Variants in LRP2 observed in about 807,000 individuals in gnomAD.
The protein encoded by LRP2 is LDL receptor related protein 2, also known as low-density lipoprotein receptor-related protein 2.
LRP2 carries 172 observed loss-of-function variants against 531.0 expected under a neutral mutation model. The observed-to-expected ratio is 0.32, with a 90% CI of 0.29 to 0.37. The LOEUF is 0.37. Ranked by LOEUF, LRP2 falls within the 10% of genes least tolerant of loss-of-function variation. The pLI is 1.00. For missense variants in LRP2, 5,167 were observed against 5,868.3 expected (o/e 0.88, Z 3.90); for synonymous variants, 1,992 against 2,027.6 (o/e 0.98, Z 0.47).
intron 13 of LRP2, among the ~76,000 whole-genome samples, chr2:169,275,608 C>T (rs2105444414): frequency 6.6e-6 from 1 of 152,198 alleles, no homozygotes; most frequent in Non-Finnish European, 1.5e-5. Flanking sequence ...AAGAGTATAC[C>T]AAGACTTTGG....
intron 77 of LRP2, among the ~76,000 whole-genome samples, chr2:169,130,956 A>G (rs185582641): frequency 6.6e-6 from 1 of 152,292 alleles, no homozygotes; most frequent in East Asian, 1.9e-4. Context: ...CAGCCTCCCC[A>G]CCACAGTCCC....
intron 3 of LRP2, among the ~76,000 whole-genome samples, chr2:169,312,390 T>G (rs1318290763): frequency 6.6e-6 from 1 of 152,154 alleles, no homozygotes; most frequent in Non-Finnish European, 1.5e-5. Context: ...TCTTGTAAGG[T>G]AGGCCTGGTG....
In LRP2 at chr2:169,177,749, T is replaced by C. The variant is rs1304430198; in HGVS notation, c.10393+54A>G. ...CGAAGTTCATGCTTAAAGACAATCATGACATGCACATAACCCAAGGCAACC... is the reference window on the plus strand; with the variant it reads ...CGAAGTTCATGCTTAAAGACAATCACGACATGCACATAACCCAAGGCAACC... On this transcript the variant is annotated intron_variant, in intron 53 of 78. Coordinates refer to ENST00000649046, the MANE Select transcript of LRP2 (RefSeq NM_004525.3). 29 of 1,405,032 alleles carry C rather than the reference T, an allele frequency of 2.1e-5. No individual in the cohort carries two copies. In the Admixed American group the frequency reaches 2.7e-4, roughly 13 times the overall value. 87.0% of individuals were successfully genotyped at this position (1,405,032 alleles called of 1,614,324 possible). A position where few individuals can be genotyped will look rare whatever the true frequency, so the allele number is the denominator to read the frequency against.
chr2:169,228,311 TAA>T (rs56358282), intron 31 of LRP2, among the ~76,000 whole-genome samples: 249 of 133,100 alleles, frequency 1.9e-3, no homozygotes, highest in Middle Eastern at 3.8e-3. Flanking sequence ...ACTGCAACAG[TAA>T]AAAAAAAAAA....
At chr2:169,264,241 T>C (rs998783982) in intron 16 of LRP2, among the ~76,000 whole-genome samples, 2 of 151,684 alleles carry the variant, frequency 1.3e-5, no homozygotes, top group Non-Finnish European at 2.9e-5. Flanking sequence ...ACTTAAAGTA[T>C]AATAATAAAT....
At chr2:169,223,605 C>T (rs1296713342) in intron 33 of LRP2, among the ~76,000 whole-genome samples, 3 of 151,942 alleles carry the variant, frequency 2.0e-5, no homozygotes, top group African/African-American at 7.3e-5. Flanking sequence ...TCTGGATTGC[C>T]GGAGTTGTAG....
At chr2:169,360,142 AAAAAAAGAGAG>A (rs1447534416) in intron 1 of LRP2, among the ~76,000 whole-genome samples, 24 of 132,622 alleles carry the variant, frequency 1.8e-4, no homozygotes, top group African/African-American at 3.3e-4. Context: ...AAAAAAAAAA[AAAAAAAGAGAG>A]AGAGAGAGAG....
At chr2:169,140,347 T>A in intron 72 of LRP2, 108 bp downstream of exon 72, 1 of 839,344 alleles carries the variant, frequency 1.2e-6, no homozygotes, top group Non-Finnish European at 2.0e-6. Flanking sequence ...AATGTAAGAA[T>A]TAGTGAACTG....
At chr2:169,314,037 T>C (rs1559070980) in intron 3 of LRP2, among the ~76,000 whole-genome samples, 1 of 152,204 alleles carries the variant, frequency 6.6e-6, no homozygotes, top group Non-Finnish European at 1.5e-5. Flanking sequence ...TCAGCAAAAC[T>C]TGGTTTTCTG....
At position 169,226,424 on chromosome 2, in the gene LRP2, G is replaced by T. The variant is rs751406669; in HGVS notation, c.5392C>A (p.Pro1798Thr). The T allele has an allele frequency of 6.2e-7, 1 of 1,612,088 alleles. No individual in the cohort carries two copies. The highest frequency in any genetic ancestry group is 8.5e-7 in the Non-Finnish European group (1 of 1,178,582). Reference sequence around the variant, plus strand: ...TTTGAATGTTATTCAAAACTTACTGGATTTTCAACCCAATAGATGTATTGC... The same window carrying T: ...TTTGAATGTTATTCAAAACTTACTGTATTTTCAACCCAATAGATGTATTGC... ...AEQYIYWVEN[P>T]GEIHRVKTDG... is the part of the protein sequence containing the mutation. The change falls in exon 32 of 79, where the codon CCA becomes ACA. Residue 1798 changes from proline (P) to threonine (T), a missense_variant and splice_region_variant. Pro to Thr is a conservative substitution (Grantham distance 38). Coordinates refer to ENST00000649046, the MANE Select transcript of LRP2 (RefSeq NM_004525.3).
chr2:169,361,377 C>CTCTCTCTCTCTCTCTCTCTCTCTCTCT (rs1559092856), intron 1 of LRP2, among the ~76,000 whole-genome samples: 4 of 52,286 alleles, frequency 7.7e-5, no homozygotes, highest in Non-Finnish European at 1.3e-4. Flanking sequence ...TCTCTCTCTC[C>CTCTCTCTCTCTCTCTCTCTCTCTCTCT]CTCTCTCTCT....
rs76438157 is a variant in LRP2 at position 169,353,371 on chromosome 2, G to A, written c.79+8950C>T. On this transcript the variant is annotated intron_variant, in intron 1 of 78. Transcript: ENST00000649046. ...GACCGCACACAAAGGTGAAACTTAG[G>A]GGGGAGTAGGGTCAAGGAAAACACA... Among the ~76,000 whole-genome samples the A allele has an allele frequency of 3.9e-5, 6 of 152,090 alleles. No individual in the cohort carries two copies. The South Asian group carries it at 6.2e-4, about 16-fold the overall frequency.
Position 169,156,352 on chromosome 2 carries a change from T to G in LRP2, c.12073A>C (p.Lys4025Gln), listed in dbSNP as rs760477351. 1 of 1,613,700 alleles carries G rather than the reference T, an allele frequency of 6.2e-7. No homozygotes were observed. The highest frequency in any genetic ancestry group is 8.5e-7 in the Non-Finnish European group (1 of 1,179,692). ...GTCPQHCRNT[K>Q]GSYECVCADG... is the part of the protein sequence containing the mutation. ...GCACAGACACACTCATAACTTCCTT[T>G]GGTATTTCTGCAGTGCTGGGGACAA... The change falls in exon 65 of 79, where the codon AAA (lysine) becomes CAA (glutamine). Residue 4025 changes from lysine (K) to glutamine (Q), a missense_variant. Physicochemically the swap from Lys to Gln is moderately conservative, Grantham distance 53 (BLOSUM62 1). Coordinates refer to ENST00000649046, the MANE Select transcript of LRP2 (RefSeq NM_004525.3).
Position 169,201,710 on chromosome 2 carries a change from G to A in LRP2, c.8370C>T (p.Asn2790=). The change falls in exon 44 of 79, where the codon AAC becomes AAT. Residue 2790 remains asparagine, a synonymous_variant. Coordinates refer to ENST00000649046, the MANE Select transcript of LRP2 (RefSeq NM_004525.3). The part of the protein sequence containing the change: ...CNATTEFMCN[N]RRCIPREFIC... ...TAAACTCACGAGGTATGCACCTTCT[G>A]TTATTGCACATAAACTCCGTGGTGG... The A allele has an allele frequency of 6.2e-7, 1 of 1,614,144 alleles. No homozygotes were observed. Among genetic ancestry groups the A allele is most frequent in the Non-Finnish European group, 8.5e-7 (1 of 1,180,032 alleles).
intron 16 of LRP2, among the ~76,000 whole-genome samples, chr2:169,267,191 A>C (rs1320873411): frequency 1.3e-5 from 2 of 152,054 alleles, no homozygotes. Context: ...TGTTTGTTTT[A>C]CCTTAATCCA....
chr2:169,277,469 T>G (rs1683587025), intron 13 of LRP2, among the ~76,000 whole-genome samples: 1 of 152,128 alleles, frequency 6.6e-6, no homozygotes, highest in Admixed American at 6.5e-5. Flanking sequence ...ATGTGCATCA[T>G]GTGGGACTAG....
In LRP2 at chr2:169,257,602, G is replaced by A. The variant is rs141863834; in HGVS notation, c.2514-353C>T. ...TTATTAAAATAAAATAATAAACAAC[G>A]AACAGAGCAAGAAAACATTTCAATC... On this transcript the variant is annotated intron_variant, in intron 17 of 78. Coordinates refer to ENST00000649046, the MANE Select transcript of LRP2 (RefSeq NM_004525.3). 7.6e-3 allele frequency among the ~76,000 whole-genome samples: 1,148 copies of A among 151,858 alleles called. 8 individuals carry two copies. Among genetic ancestry groups the A allele is most frequent in the Middle Eastern group, 0.045 (13 of 288 alleles).
intron 29 of LRP2, among the ~76,000 whole-genome samples, chr2:169,235,327 C>T (rs1173246189): frequency 6.6e-6 from 1 of 151,482 alleles, no homozygotes; most frequent in Non-Finnish European, 1.5e-5. Context: ...GCAACCTCTG[C>T]TTCCCGGGTT....
intron 77 of LRP2, among the ~76,000 whole-genome samples, chr2:169,130,875 T>A (rs930443581): frequency 6.6e-6 from 1 of 152,200 alleles, no homozygotes; most frequent in Non-Finnish European, 1.5e-5. Flanking sequence ...TTGGTGAAGA[T>A]CTGCTCTCCT....
Sources: allele counts gnomAD v4.1 joint callset (sites outside exome capture counted in the v4.1 genomes callset), GRCh38; gene constraint gnomAD v4.1.1; transcripts MANE v1.5; gene names NCBI Gene and HGNC (gene_info 2026-07-23, HGNC 2026-07-21).